The following KLHL1 variants were observed in gnomAD, a reference collection of about 807,000 sequenced individuals.
KLHL1 encodes kelch like family member 1.
A neutral mutation model predicts 77.7 loss-of-function variants in KLHL1; 47 were observed. The observed-to-expected ratio is 0.60, with a 90% CI of 0.48 to 0.77. The LOEUF is 0.77. Ranked by LOEUF, KLHL1 falls within the 30% of genes least tolerant of loss-of-function variation. The pLI is 0.00. For missense variants in KLHL1, 925 were observed against 910.8 expected, an observed-to-expected ratio of 1.02 and a Z score of -0.20; for synonymous variants, 360 against 325.2, an observed-to-expected ratio of 1.11 and a Z score of -1.15.
chr13:69,761,602 T>A (rs943354239), intron 7 of KLHL1, among the ~76,000 whole-genome samples: 5 of 152,186 alleles, frequency 3.3e-5, no homozygotes, highest in African/African-American at 1.2e-4. Context: ...TCATGCTACA[T>A]CAGTCAGTAC....
intron 7 of KLHL1, among the ~76,000 whole-genome samples, chr13:69,772,476 C>T (rs1566234095): frequency 6.6e-6 from 1 of 151,890 alleles, no homozygotes; most frequent in Non-Finnish European, 1.5e-5. Context: ...ACAGTCACAC[C>T]TCAAATCACA....
intron 6 of KLHL1, among the ~76,000 whole-genome samples, chr13:69,821,977 A>C (rs1878355529): frequency 6.6e-6 from 1 of 152,072 alleles, no homozygotes; most frequent in Admixed American, 6.6e-5. Flanking sequence ...AGGCAGGCAA[A>C]TCACGAAGTC....
chr13:69,982,671 A>T (rs1478264278), intron 1 of KLHL1, among the ~76,000 whole-genome samples: 1 of 151,818 alleles, frequency 6.6e-6, no homozygotes, highest in Non-Finnish European at 1.5e-5. Context: ...TTCAATTAAA[A>T]GACATGGATT....
At chr13:69,991,718 T>A (rs549206476) in intron 1 of KLHL1, among the ~76,000 whole-genome samples, 6 of 151,608 alleles carry the variant, frequency 4.0e-5, no homozygotes, top group Admixed American at 3.9e-4. Flanking sequence ...ACAGTCAAAT[T>A]CTACCAGAAG....
At chr13:69,885,799 T>A (rs1054997687) in intron 4 of KLHL1, among the ~76,000 whole-genome samples, 6 of 152,096 alleles carry the variant, frequency 3.9e-5, no homozygotes, top group African/African-American at 1.4e-4. Context: ...ATAAAAAAGC[T>A]CGCCATATGG....
intron 1 of KLHL1, among the ~76,000 whole-genome samples, chr13:69,983,123 T>G (rs1884761303): frequency 1.3e-5 from 2 of 152,078 alleles, no homozygotes; most frequent in African/African-American, 4.8e-5. Flanking sequence ...TTAAAGACCC[T>G]AAATATAAAG....
intron 7 of KLHL1, among the ~76,000 whole-genome samples, chr13:69,741,457 A>G (rs957856567): frequency 6.6e-6 from 1 of 152,180 alleles, no homozygotes; most frequent in Non-Finnish European, 1.5e-5. Context: ...AAATTTATGC[A>G]TATTGATTAA....
At chr13:69,860,178 C>T (rs2138150324) in intron 5 of KLHL1, among the ~76,000 whole-genome samples, 1 of 152,134 alleles carries the variant, frequency 6.6e-6, no homozygotes, top group South Asian at 2.1e-4. Context: ...TATTAATCTT[C>T]AGTACTACAC....
In KLHL1 at chr13:69,719,391, G is replaced by A. The variant is rs373280757; in HGVS notation, c.1993C>T (p.Arg665Trp). 1.1e-5 allele frequency: 17 copies of A among 1,613,202 alleles called. No homozygotes were observed. The highest frequency in any genetic ancestry group is 2.2e-5 in the East Asian group (1 of 44,846). Residue 665 changes from arginine (R) to tryptophan (W), a missense_variant, in exon 9 of 11, where the codon CGG becomes TGG. Coordinates refer to ENST00000377844, the MANE Select transcript of KLHL1 (RefSeq NM_020866.3). ...HDAPASNHCSRLLDYVERYDP... is the reference protein window; with the variant it reads ...HDAPASNHCSWLLDYVERYDP... ...TACCTTTCTACATAATCCAGTAGCC[G>A]GGAACAGTGATTTGAAGCAGGAGCA...
intron 5 of KLHL1, among the ~76,000 whole-genome samples, chr13:69,871,894 T>G (rs1880599899): frequency 6.6e-6 from 1 of 151,988 alleles, no homozygotes; most frequent in Non-Finnish European, 1.5e-5. Flanking sequence ...TCCAAAAATT[T>G]CCCTCATCTT....
chr13:69,954,733 G>A (rs1373187776), intron 3 of KLHL1, among the ~76,000 whole-genome samples: 1 of 151,038 alleles, frequency 6.6e-6, no homozygotes, highest in Non-Finnish European at 1.5e-5. Flanking sequence ...AATTGAAATA[G>A]TTTTTATTGT....
At chr13:69,991,112 C>T (rs9529667) in intron 1 of KLHL1, among the ~76,000 whole-genome samples, 26,072 of 151,772 alleles carry the variant, frequency 0.17, 2,360 homozygotes, top group Non-Finnish European at 0.19. Context: ...GTAATGAGAA[C>T]AAAGGTACAA....
At chr13:69,807,596 G>A (rs368966278) in intron 6 of KLHL1, among the ~76,000 whole-genome samples, 2 of 151,998 alleles carry the variant, frequency 1.3e-5, no homozygotes, top group African/African-American at 2.4e-5. Context: ...TCCCACACCC[G>A]GCACCATTCT....
At chr13:69,908,467 A>G (rs993780898) in intron 4 of KLHL1, among the ~76,000 whole-genome samples, 7 of 150,810 alleles carry the variant, frequency 4.6e-5, no homozygotes, top group Non-Finnish European at 1.5e-5. Flanking sequence ...AGTAAATTCT[A>G]TAAACCCAGA....
At chr13:70,002,913 GT>G (rs1566489551) in intron 1 of KLHL1, among the ~76,000 whole-genome samples, 2 of 151,262 alleles carry the variant, frequency 1.3e-5, no homozygotes. Context: ...AACAACATAA[GT>G]ATTTTCATTA....
intron 1 of KLHL1, among the ~76,000 whole-genome samples, chr13:70,063,775 C>A (rs948762501): frequency 6.6e-6 from 1 of 152,014 alleles, no homozygotes; most frequent in Non-Finnish European, 1.5e-5. Flanking sequence ...ACATTGTTTA[C>A]AAGCTACTGC....
chr13:69,994,991 T>A (rs540762758), intron 1 of KLHL1, among the ~76,000 whole-genome samples: 39 of 152,224 alleles, frequency 2.6e-4, no homozygotes, highest in Middle Eastern at 3.4e-3. Flanking sequence ...GGTATCTATA[T>A]CAACAATGTA....
intron 1 of KLHL1, among the ~76,000 whole-genome samples, chr13:70,002,447 C>T (rs539658575): frequency 4.0e-5 from 6 of 151,178 alleles, no homozygotes; most frequent in Admixed American, 1.3e-4. Context: ...ATGAACGGAG[C>T]CTCAAAAGCA....
intron 1 of KLHL1, among the ~76,000 whole-genome samples, chr13:70,071,258 G>A (rs944774258): frequency 6.6e-6 from 1 of 152,000 alleles, no homozygotes; most frequent in Admixed American, 6.6e-5. Context: ...TTAAAAATTA[G>A]AAGATATAAA....
Sources: gnomAD v4.1 joint callset for allele counts (sites outside exome capture counted in the v4.1 genomes callset) on GRCh38, gnomAD v4.1.1 for gene constraint, MANE v1.5 for transcripts, NCBI Gene and HGNC (gene_info 2026-07-23, HGNC 2026-07-21) for gene names.